The following MAGI2 variants were observed in gnomAD, a reference collection of about 807,000 sequenced individuals.
The protein encoded by MAGI2 is membrane associated guanylate kinase, WW and PDZ domain containing 2.
MAGI2 carries 35 observed loss-of-function variants against 133.3 expected under a neutral mutation model. That is an observed-to-expected ratio of 0.26 (90% CI 0.20 to 0.35). The LOEUF (loss-of-function observed/expected upper bound fraction) is 0.35, where lower values mean the gene tolerates loss of function less well. Among genes scored for constraint, MAGI2 ranks in the 10% least tolerant of loss-of-function variants. The pLI is 1.00. For missense variants in MAGI2, 1,636 were observed against 1,863.4 expected, an observed-to-expected ratio of 0.88 and a Z score of 2.25; for synonymous variants, 729 against 710.6, an observed-to-expected ratio of 1.03 and a Z score of -0.41.
chr7:78,361,265 G>T (rs560355408), intron 7 of MAGI2, among the ~76,000 whole-genome samples: 2 of 152,006 alleles, frequency 1.3e-5, no homozygotes, highest in African/African-American at 4.8e-5. Flanking sequence ...GTGGTGGCAG[G>T]TGCCTGTAAT....
chr7:79,128,042 T>C (rs1375498502), intron 1 of MAGI2, among the ~76,000 whole-genome samples: 1 of 152,196 alleles, frequency 6.6e-6, no homozygotes, highest in Non-Finnish European at 1.5e-5. Context: ...CCCAGCACCA[T>C]TTATTAAATA....
chr7:78,256,253 G>A lies in MAGI2; in HGVS notation c.1737C>T (p.Asp579=), dbSNP rs142555732. 1.3e-4 allele frequency: 207 copies of A among 1,614,046 alleles called. No homozygotes were observed. Among genetic ancestry groups the A allele is most frequent in the Non-Finnish European group, 1.6e-4 (191 of 1,179,984 alleles). The change falls in exon 10 of 22, where the codon GAC becomes GAT. Residue 579 remains aspartate, a synonymous_variant. Transcript: ENST00000354212. ...CATGGACGGGCGGTGGATACGTGCCGTCTAGCTGACCATCAGTTGGCATGG... is the reference window on the plus strand; with the variant it reads ...CATGGACGGGCGGTGGATACGTGCCATCTAGCTGACCATCAGTTGGCATGG... ...LHSMPTDGQL[D]GTYPPPVHDD...
intron 1 of MAGI2, among the ~76,000 whole-genome samples, chr7:79,136,113 GAAA>G (rs1562929500): frequency 2.1e-4 from 31 of 149,950 alleles, no homozygotes; most frequent in Non-Finnish European, 3.7e-4. Flanking sequence ...AAGAAAGAAA[GAAA>G]GAAAGAAAGA....
intron 21 of MAGI2, among the ~76,000 whole-genome samples, chr7:78,076,852 C>CAAA (rs1242148618): frequency 8.2e-4 from 35 of 42,524 alleles, no homozygotes; most frequent in East Asian, 1.4e-3. Flanking sequence ...GACTCCGTCT[C>CAAA]AAAAAAAAAA....
At chr7:79,189,312 CAAAAAAAA>C (rs34814587) in intron 1 of MAGI2, among the ~76,000 whole-genome samples, 1 of 74,312 alleles carries the variant, frequency 1.3e-5, no homozygotes, top group Non-Finnish European at 3.0e-5. Flanking sequence ...TTTTTATAGG[CAAAAAAAA>C]AAAAAAAAAA....
rs138207026 is a variant in MAGI2 at position 78,179,339 on chromosome 7, G to A, written c.2312-1237C>T. 2.7e-3 allele frequency among the ~76,000 whole-genome samples: 404 copies of A among 152,308 alleles called. 1 individual carries two copies. The highest frequency in any genetic ancestry group is 3.7e-3 in the South Asian group (18 of 4,822). Reference sequence around the variant, plus strand: ...GCCACATGATTATACAGTAGCACTCGTTGTAGAGAGAGGCTCATTGAATGC... The same window carrying A: ...GCCACATGATTATACAGTAGCACTCATTGTAGAGAGAGGCTCATTGAATGC... On this transcript the variant is annotated intron_variant, in intron 13 of 21. Transcript: ENST00000354212.
intron 3 of MAGI2, among the ~76,000 whole-genome samples, chr7:78,598,957 A>G (rs1804900432): frequency 6.6e-6 from 1 of 152,130 alleles, no homozygotes; most frequent in South Asian, 2.1e-4. Flanking sequence ...CGTGTCAGGA[A>G]CGCATTGGAT....
At chr7:79,018,202 T>C (rs1808929786) in intron 1 of MAGI2, among the ~76,000 whole-genome samples, 1 of 152,038 alleles carries the variant, frequency 6.6e-6, no homozygotes, top group Non-Finnish European at 1.5e-5. Context: ...ACACTAGTCC[T>C]GTCATCAGAA....
intron 1 of MAGI2, among the ~76,000 whole-genome samples, chr7:79,360,968 A>G (rs1842341153): frequency 1.3e-5 from 2 of 152,172 alleles, no homozygotes; most frequent in African/African-American, 4.8e-5. Context: ...GCTGCTTACA[A>G]GAAACTAATT....
chr7:78,737,185 C>T (rs111957151), intron 2 of MAGI2, among the ~76,000 whole-genome samples: 340 of 152,238 alleles, frequency 2.2e-3, no homozygotes, highest in African/African-American at 8.0e-3. Flanking sequence ...TGCCACTGCC[C>T]ATTTGATAAG....
At chr7:78,348,431 GTTATTTC>G (rs1482310739) in intron 7 of MAGI2, 1 of 150,590 alleles carries the variant, frequency 6.6e-6, no homozygotes, top group African/African-American at 2.5e-5. Context: ...TTGAGGTACA[GTTATTTC>G]TTATTACTAT....
At chr7:79,256,244 G>C (rs1011117743) in intron 1 of MAGI2, among the ~76,000 whole-genome samples, 1 of 152,056 alleles carries the variant, frequency 6.6e-6, no homozygotes, top group South Asian at 2.1e-4. Context: ...TTTTCCTTTC[G>C]AGATGGGTTG....
At chr7:79,043,969 T>A (rs1441180573) in intron 1 of MAGI2, among the ~76,000 whole-genome samples, 1 of 152,020 alleles carries the variant, frequency 6.6e-6, no homozygotes, top group African/African-American at 2.4e-5. Flanking sequence ...CTGGACTAGA[T>A]GGATTCACAG....
chr7:78,159,141 A>T (rs1824701618), intron 16 of MAGI2, among the ~76,000 whole-genome samples: 1 of 152,062 alleles, frequency 6.6e-6, no homozygotes, highest in Admixed American at 6.5e-5. Context: ...GTAATAATAA[A>T]ACTCTGTCTC....
intron 2 of MAGI2, among the ~76,000 whole-genome samples, chr7:78,637,838 C>G (rs538767652): frequency 6.6e-6 from 1 of 152,268 alleles, no homozygotes; most frequent in African/African-American, 2.4e-5. Context: ...TGGTGCCTCA[C>G]ATCTGTAACC....
intron 4 of MAGI2, among the ~76,000 whole-genome samples, chr7:78,508,879 A>G (rs116226803): frequency 0.016 from 2,349 of 146,618 alleles, 62 homozygotes; most frequent in African/African-American, 0.055. Context: ...TGTTAAATTG[A>G]AAAATAGTCT....
chr7:79,210,467 A>G (rs1829412306), intron 1 of MAGI2, among the ~76,000 whole-genome samples: 1 of 152,034 alleles, frequency 6.6e-6, no homozygotes. Context: ...TTTAAAAAAT[A>G]TGTGTGATTT....
intron 2 of MAGI2, among the ~76,000 whole-genome samples, chr7:78,818,330 C>A (rs943025773): frequency 3.3e-5 from 5 of 152,234 alleles, no homozygotes; most frequent in African/African-American, 1.2e-4. Context: ...CTGTCTCATT[C>A]TTGAGCCTCT....
At chr7:78,842,122 G>T (rs1792195541) in intron 2 of MAGI2, among the ~76,000 whole-genome samples, 1 of 151,956 alleles carries the variant, frequency 6.6e-6, no homozygotes, top group Non-Finnish European at 1.5e-5. Context: ...GCAGAACAAA[G>T]TGCCTGCATC....
Sources: allele counts gnomAD v4.1 joint callset (sites outside exome capture counted in the v4.1 genomes callset), GRCh38; gene constraint gnomAD v4.1.1; transcripts MANE v1.5; gene names NCBI Gene and HGNC (gene_info 2026-07-23, HGNC 2026-07-21).